The following LGR6 variants were observed in gnomAD, a reference collection of about 807,000 sequenced individuals.
The protein encoded by LGR6 is leucine rich repeat containing G protein-coupled receptor 6.
LGR6 carries 45 observed loss-of-function variants against 69.4 expected under a neutral mutation model. The ratio of observed to expected loss-of-function variants is 0.65; its 90% CI spans 0.51 to 0.83. The LOEUF (loss-of-function observed/expected upper bound fraction) is 0.83. LGR6 is among the 40% of genes least tolerant of loss of function. The pLI is 0.00. For synonymous variants in LGR6, 538 were observed against 555.0 expected, an observed-to-expected ratio of 0.97 and a Z score of 0.43; for missense variants, 1,108 against 1,246.7, an observed-to-expected ratio of 0.89 and a Z score of 1.68.
chr1:202,305,800 A>G, intron 12 of LGR6, 51 bp downstream of exon 12: 2 of 1,487,956 alleles, frequency 1.3e-6, no homozygotes, highest in Non-Finnish European at 1.9e-6. Context: ...GACCCTGAGC[A>G]AGTCCTGTAG....
chr1:202,250,906 G>C (rs532466141), intron 4 of LGR6, among the ~76,000 whole-genome samples: 8 of 152,278 alleles, frequency 5.3e-5, no homozygotes, highest in African/African-American at 1.9e-4. Context: ...TGATTCCTGA[G>C]TCCATGCTTT....
chr1:202,214,118 G>T, intron 1 of LGR6: 1 of 1,454,558 alleles, frequency 6.9e-7, no homozygotes, highest in Non-Finnish European at 9.0e-7. Context: ...GCGGGCACTG[G>T]ACCGCAGAAC....
intron 4 of LGR6, among the ~76,000 whole-genome samples, chr1:202,272,319 A>G (rs1175289999): frequency 6.6e-6 from 1 of 152,188 alleles, no homozygotes; most frequent in Non-Finnish European, 1.5e-5. Context: ...GCCTGAGTGT[A>G]AACGCCCCGT....
At chr1:202,202,573 T>G (rs1311654093) in intron 1 of LGR6, among the ~76,000 whole-genome samples, 1 of 152,246 alleles carries the variant, frequency 6.6e-6, no homozygotes, top group Non-Finnish European at 1.5e-5. Context: ...GCTTCTGTTT[T>G]CTTGCTTTCA....
intron 4 of LGR6, among the ~76,000 whole-genome samples, chr1:202,259,160 A>G (rs1312198411): frequency 1.3e-5 from 2 of 152,114 alleles, no homozygotes; most frequent in Non-Finnish European, 2.9e-5. Context: ...TTTTATTGCC[A>G]GTATTGTAAT....
At chr1:202,208,380 AGG>A (rs1659334457) in intron 1 of LGR6, among the ~76,000 whole-genome samples, 1 of 151,336 alleles carries the variant, frequency 6.6e-6, no homozygotes, top group Non-Finnish European at 1.5e-5. Flanking sequence ...AGATACAAAG[AGG>A]GGAGAGAGAG....
intron 7 of LGR6, among the ~76,000 whole-genome samples, chr1:202,300,267 G>A (rs1667486112): frequency 6.6e-6 from 1 of 152,146 alleles, no homozygotes; most frequent in African/African-American, 2.4e-5. Context: ...TTGCTCTTGA[G>A]TTGCTCCCAC....
chr1:202,310,032 A>G lies in LGR6; in HGVS notation c.1407-165A>G, dbSNP rs570653040. Among the ~76,000 whole-genome samples the G allele has an allele frequency of 3.0e-3, 454 of 152,328 alleles. 1 individual carries two copies. The highest frequency in any genetic ancestry group is 0.011 in the African/African-American group (439 of 41,572). On this transcript the variant is annotated intron_variant, in intron 15 of 17. Coordinates refer to ENST00000367278, the MANE Select transcript of LGR6 (RefSeq NM_001017403.2). ...TCAGGAGTCAGGCTGCAAGGCCCTT[A>G]CAAAGAATGCCTAGGAGACTGCCAG... is the stretch of plus-strand genomic sequence containing the variant.
At chr1:202,203,832 A>C in intron 1 of LGR6, 1 of 1,613,898 alleles carries the variant, frequency 6.2e-7, no homozygotes, top group Non-Finnish European at 8.5e-7. Context: ...GGGAAGACCA[A>C]GGTTGACACT....
In LGR6 at chr1:202,303,365, C is replaced by A; in HGVS notation, c.998+18C>A. On this transcript the variant is annotated intron_variant, in intron 10 of 17. Coordinates refer to ENST00000367278, the MANE Select transcript of LGR6 (RefSeq NM_001017403.2). ...GAGATCCTGTGAGTGGCTTCTCTCT[C>A]CCTACCTTATCTATCGCCCCAGCTT... 1.2e-5 allele frequency: 20 copies of A among 1,601,362 alleles called. No homozygotes were observed. The highest frequency in any genetic ancestry group is 1.7e-5 in the Non-Finnish European group (20 of 1,168,392).
intron 4 of LGR6, among the ~76,000 whole-genome samples, chr1:202,239,344 G>GTGT (rs370248244): frequency 2.1e-5 from 3 of 144,156 alleles, no homozygotes; most frequent in East Asian, 2.1e-4. Context: ...GTGTGTGTGT[G>GTGT]GTGTGTGTGT....
At chr1:202,220,728 C>CA (rs3062583) in intron 1 of LGR6, among the ~76,000 whole-genome samples, 52 of 151,908 alleles carry the variant, frequency 3.4e-4, no homozygotes, top group African/African-American at 1.1e-3. Flanking sequence ...ACTGTGGGGA[C>CA]GGGGTTCTGG....
chr1:202,285,817 A>G (rs1666349979), intron 6 of LGR6, among the ~76,000 whole-genome samples: 2 of 152,196 alleles, frequency 1.3e-5, no homozygotes, highest in Non-Finnish European at 2.9e-5. Flanking sequence ...TGGCTTAAAA[A>G]AACAGCAACT....
At chr1:202,225,102 T>C (rs1014329251) in intron 1 of LGR6, among the ~76,000 whole-genome samples, 1 of 152,192 alleles carries the variant, frequency 6.6e-6, no homozygotes, top group Non-Finnish European at 1.5e-5. Flanking sequence ...CCTCGCTTTA[T>C]AGGGAGGCCA....
chr1:202,301,874 C>T (rs558093406), intron 9 of LGR6, among the ~76,000 whole-genome samples: 2 of 152,018 alleles, frequency 1.3e-5, no homozygotes, highest in Admixed American at 1.3e-4. Context: ...AAAAAAGTAG[C>T]CGGGCGTGGT....
intron 4 of LGR6, among the ~76,000 whole-genome samples, chr1:202,270,571 A>G (rs1665014434): frequency 6.6e-6 from 1 of 152,074 alleles, no homozygotes; most frequent in South Asian, 2.1e-4. Context: ...CAGCCCTACC[A>G]CTGCCTTTGG....
chr1:202,280,835 G>A lies in LGR6; in HGVS notation c.699G>A (p.Leu233=), dbSNP rs1665945222. Residue 233 remains leucine (L), a synonymous_variant, in exon 6 of 18, where the codon CTG becomes CTA. Coordinates refer to ENST00000367278, the MANE Select transcript of LGR6 (RefSeq NM_001017403.2). Reference sequence around the variant, plus strand: ...TGGGGACCCACAGCTTCGAGGGGCTGCACAATCTGGAGACACTGTGAGTTT... The same window carrying A: ...TGGGGACCCACAGCTTCGAGGGGCTACACAATCTGGAGACACTGTGAGTTT... ...QHLGTHSFEG[L]HNLETLDLNY... 1 of 1,613,844 alleles carries A rather than the reference G, an allele frequency of 6.2e-7. No individual in the cohort carries two copies. The highest frequency in any genetic ancestry group is 2.2e-5 in the East Asian group (1 of 44,860).
At chr1:202,317,896 G>C in intron 17 of LGR6, 56 bp from the exon 18 acceptor site, 1 of 1,498,264 alleles carries the variant, frequency 6.7e-7, no homozygotes, top group East Asian at 2.3e-5. Flanking sequence ...CCTTGGTCCT[G>C]AAGACCTGGT....
At chr1:202,249,180 G>A (rs900691308) in intron 4 of LGR6, among the ~76,000 whole-genome samples, 10 of 152,098 alleles carry the variant, frequency 6.6e-5, no homozygotes, top group Admixed American at 1.3e-4. Flanking sequence ...ATCTACAGGC[G>A]AAGCATTCTT....
Sources: allele counts gnomAD v4.1 joint callset (sites outside exome capture counted in the v4.1 genomes callset), GRCh38; gene constraint gnomAD v4.1.1; transcripts MANE v1.5; gene names NCBI Gene and HGNC (gene_info 2026-07-23, HGNC 2026-07-21).